DMD: variants seen among roughly 807,000 people sequenced by gnomAD.
The protein encoded by DMD is mutant dystrophin.
In DMD, 63 loss-of-function variants were observed where a neutral mutation model predicts 330.1. The ratio of observed to expected loss-of-function variants is 0.19; its 90% CI spans 0.16 to 0.24. DMD has a LOEUF of 0.24. Among genes scored for constraint, DMD ranks in the 10% least tolerant of loss-of-function variants. The pLI is 1.00. For missense variants in DMD, 3,344 were observed against 2,684.1 expected, an observed-to-expected ratio of 1.25 and a Z score of -5.43; for synonymous variants, 1,223 against 959.8, an observed-to-expected ratio of 1.27 and a Z score of -5.07.
chrX:31,647,959 TG>T (rs1907452127), intron 54 of DMD, among the ~76,000 whole-genome samples: 1 of 112,411 alleles, frequency 8.9e-6, no homozygotes, highest in Admixed American at 9.4e-5. Context: ...ACAGACGGAA[TG>T]ACCACAGCAT....
At chrX:33,235,912 TA>T (rs1372099901) in intron 1 of DMD, among the ~76,000 whole-genome samples, 30 of 99,398 alleles carry the variant, frequency 3.0e-4, no homozygotes, top group East Asian at 6.0e-4. Context: ...TTATTATTAT[TA>T]TTATTTTTTT....
chrX:31,198,664 C>T (rs2043146450), intron 67 of DMD, among the ~76,000 whole-genome samples: 1 of 112,282 alleles, frequency 8.9e-6, no homozygotes, highest in Non-Finnish European at 1.9e-5. Flanking sequence ...GTTACAATGG[C>T]TACAGTGTCA....
intron 51 of DMD, among the ~76,000 whole-genome samples, chrX:31,757,463 T>C (rs369108828): frequency 5.4e-5 from 6 of 112,039 alleles, no homozygotes; most frequent in African/African-American, 1.6e-4. Context: ...TGGGCCGCTA[T>C]AGCTAAATAC....
intron 2 of DMD, among the ~76,000 whole-genome samples, chrX:32,955,298 T>C (rs1399567553): frequency 8.9e-6 from 1 of 112,185 alleles, no homozygotes; most frequent in African/African-American, 3.2e-5. Flanking sequence ...ATTAGTGATG[T>C]TGAGCTTTTT....
intron 61 of DMD, among the ~76,000 whole-genome samples, chrX:31,347,027 A>AAAAAAAAC (rs2058124931): frequency 1.4e-5 from 1 of 73,784 alleles, no homozygotes; most frequent in African/African-American, 4.9e-5. Flanking sequence ...AAAAAAAAAA[A>AAAAAAAAC]AAAAAAAAAG....
chrX:32,902,338 T>C (rs1198688748), intron 2 of DMD, among the ~76,000 whole-genome samples: 1 of 110,554 alleles, frequency 9.0e-6, no homozygotes, highest in East Asian at 2.8e-4. Flanking sequence ...AGAAGAAAAA[T>C]ATTCATGATA....
chrX:31,452,018 A>G (rs1315388387), intron 59 of DMD, among the ~76,000 whole-genome samples: 1 of 110,205 alleles, frequency 9.1e-6, no homozygotes, highest in Non-Finnish European at 1.9e-5. Flanking sequence ...ATAACAATAT[A>G]AATAATGAAA....
intron 51 of DMD, among the ~76,000 whole-genome samples, chrX:31,768,662 T>C (rs1269312311): frequency 8.9e-6 from 1 of 112,014 alleles, no homozygotes; most frequent in East Asian, 2.8e-4. Context: ...AATATTGTTG[T>C]TTCAGAGCAA....
At chrX:32,059,083 C>T (rs2096203688) in intron 44 of DMD, among the ~76,000 whole-genome samples, 1 of 110,409 alleles carries the variant, frequency 9.1e-6, no homozygotes, top group Non-Finnish European at 1.9e-5. Context: ...TTGCTAAGGG[C>T]TGGAGGAGGG....
At chrX:31,748,629 GC>G (rs1250542164) in intron 51 of DMD, among the ~76,000 whole-genome samples, 8 of 111,753 alleles carry the variant, frequency 7.2e-5, no homozygotes, top group Admixed American at 6.7e-4. Flanking sequence ...TAGTTATTGT[GC>G]TTTTCCTATG....
chrX:32,815,570 G>C (rs2077698242), intron 6 of DMD, among the ~76,000 whole-genome samples: 1 of 100,838 alleles, frequency 9.9e-6, no homozygotes, highest in Non-Finnish European at 2.0e-5. Flanking sequence ...AAATGGTGTA[G>C]TATATATGGC....
At chrX:31,489,036 C>T (rs1364323831) in intron 57 of DMD, among the ~76,000 whole-genome samples, 3 of 112,380 alleles carry the variant, frequency 2.7e-5, no homozygotes, top group Non-Finnish European at 5.6e-5. Flanking sequence ...ATTTCTACAA[C>T]ACTCAAAACC....
intron 44 of DMD, among the ~76,000 whole-genome samples, chrX:32,141,557 G>A (rs2096753232): frequency 9.0e-6 from 1 of 111,371 alleles, no homozygotes; most frequent in African/African-American, 3.3e-5. Flanking sequence ...CCCCAAACCT[G>A]CAATTTTTAT....
At chrX:32,878,217 A>C in intron 2 of DMD, among the ~76,000 whole-genome samples, 1 of 110,758 alleles carries the variant, frequency 9.0e-6, no homozygotes, top group Middle Eastern at 4.7e-3. Flanking sequence ...CTCTCTAATA[A>C]AAAGACAAAA....
At chrX:31,963,121 A>G (rs1263455510) in intron 45 of DMD, among the ~76,000 whole-genome samples, 1 of 111,953 alleles carries the variant, frequency 8.9e-6, no homozygotes, top group African/African-American at 3.2e-5. Context: ...AGCAATATGA[A>G]TTGCTAATGG....
intron 57 of DMD, among the ~76,000 whole-genome samples, chrX:31,488,699 C>G (rs2069011223): frequency 8.9e-6 from 1 of 112,217 alleles, no homozygotes; most frequent in East Asian, 2.8e-4. Context: ...CCATACCTAT[C>G]ATTTCCACTC....
intron 51 of DMD, among the ~76,000 whole-genome samples, chrX:31,740,269 T>C (rs1333939430): frequency 8.9e-6 from 1 of 112,544 alleles, no homozygotes; most frequent in Non-Finnish European, 1.9e-5. Context: ...ATTGTTCACA[T>C]TTCTTGAAAC....
At chrX:33,124,097 C>T (rs1219030362) in intron 1 of DMD, among the ~76,000 whole-genome samples, 2 of 110,179 alleles carry the variant, frequency 1.8e-5, no homozygotes, top group Non-Finnish European at 3.8e-5. Flanking sequence ...ACCCAGGAGG[C>T]GGAGGTTGCA....
rs781661684 is a variant in DMD, at chrX:32,816,609, C to T, written c.389G>A (p.Gly130Glu). 3 of 1,211,220 alleles carry T rather than the reference C, an allele frequency of 2.5e-6. No individual in the cohort carries two copies. The highest frequency in any genetic ancestry group is 2.2e-6 in the Non-Finnish European group (2 of 895,241). ...CTTTTCACTGTTGGTTTGTTGCAAT[C>T]CAGCCATGATATTTTTCATTACATT... ...VKNVMKNIMA[G>E]LQQTNSEKIL... The change falls in exon 6 of 79, where the codon GGA becomes GAA. Residue 130 changes from glycine (G) to glutamate (E), a missense_variant. By Grantham distance (98) the Gly-to-Glu change is moderately conservative (BLOSUM62 -2). Coordinates refer to ENST00000357033, the MANE Select transcript of DMD (RefSeq NM_004006.3).
Sources: allele counts gnomAD v4.1 joint callset (sites outside exome capture counted in the v4.1 genomes callset), GRCh38; gene constraint gnomAD v4.1.1; transcripts MANE v1.5; gene names NCBI Gene and HGNC (gene_info 2026-07-23, HGNC 2026-07-21).